FBXW11: variants seen among roughly 807,000 people sequenced by gnomAD.
The protein encoded by FBXW11 is F-box and WD repeat domain containing 11, also known as F-box/WD repeat-containing protein 11.
A neutral mutation model predicts 77.6 loss-of-function variants in FBXW11; 19 were observed. The observed-to-expected ratio is 0.24, with a 90% CI of 0.17 to 0.36. The LOEUF (loss-of-function observed/expected upper bound fraction) is 0.36. Among genes scored for constraint, FBXW11 ranks in the 10% least tolerant of loss-of-function variants. The pLI, the probability that FBXW11 is intolerant of heterozygous loss-of-function variation, is 1.00. For missense variants in FBXW11, 334 were observed against 704.2 expected, an observed-to-expected ratio of 0.47 and a Z score of 5.95; for synonymous variants, 235 against 249.4, an observed-to-expected ratio of 0.94 and a Z score of 0.54.
At chr5:171,977,035 CA>C (rs773469488) in intron 1 of FBXW11, among the ~76,000 whole-genome samples, 275 of 122,610 alleles carry the variant, frequency 2.2e-3, no homozygotes, top group Middle Eastern at 4.4e-3. Context: ...AACTCCAACT[CA>C]AAAAAAAAAA....
intron 2 of FBXW11, among the ~76,000 whole-genome samples, chr5:171,947,762 A>T (rs1459718816): frequency 6.6e-6 from 1 of 152,140 alleles, no homozygotes; most frequent in African/African-American, 2.4e-5. Context: ...CAAAAAATTT[A>T]AAAATTAGCC....
intron 6 of FBXW11, among the ~76,000 whole-genome samples, chr5:171,897,242 C>T (rs1241759347): frequency 2.6e-5 from 4 of 152,162 alleles, no homozygotes; most frequent in Non-Finnish European, 5.9e-5. Flanking sequence ...TAAGTAAATG[C>T]TATTAGTGGT....
intron 1 of FBXW11, among the ~76,000 whole-genome samples, chr5:171,963,248 C>G (rs555517066): frequency 6.6e-6 from 1 of 151,762 alleles, no homozygotes; most frequent in African/African-American, 2.4e-5. Flanking sequence ...CTTAACCCAC[C>G]CAAAGGAAGA....
At position 171,878,191 on chromosome 5, in the gene FBXW11, T is replaced by G. The variant is rs188108171; in HGVS notation, c.853-62A>C. On this transcript the variant is annotated intron_variant, in intron 7 of 13. Coordinates refer to ENST00000517395, the MANE Select transcript of FBXW11 (RefSeq NM_001378974.1). Reference sequence around the variant, plus strand: ...TATACTATATTTTGATGAATGTTACTGTCCCACCTTATGTTCTGATTATAA... The same window carrying G: ...TATACTATATTTTGATGAATGTTACGGTCCCACCTTATGTTCTGATTATAA... 1.6e-4 allele frequency: 178 copies of G among 1,146,260 alleles called. No homozygotes were observed. In the Admixed American group the frequency reaches 3.3e-3, roughly 21 times the overall value. The allele number at this position is 1,146,260 out of a possible 1,614,324, so 71.0% of individuals were successfully genotyped here.
At position 171,904,538 on chromosome 5, in the gene FBXW11, C is replaced by T. The variant is rs839285; in HGVS notation, c.437-4438G>A. Among the ~76,000 whole-genome samples, 3,694 of 152,020 alleles carry T rather than the reference C, an allele frequency of 0.024. 83 individuals are homozygous for T. The highest frequency in any genetic ancestry group is 0.058 in the African/African-American group (2,404 of 41,470). ...GACCTACAAAATCAGAATCTCTAGA[C>T]GGTAAGGCCCAGGAATCTGGGTGTG... On this transcript the variant is annotated intron_variant, in intron 4 of 13. Coordinates refer to ENST00000517395, the MANE Select transcript of FBXW11 (RefSeq NM_001378974.1). This position sits in a 1 kb window ranked among gnomAD's most constrained non-coding sequence, Gnocchi z 4.0.
intron 2 of FBXW11, among the ~76,000 whole-genome samples, chr5:171,933,853 A>T (rs890495067): frequency 2.7e-5 from 4 of 148,014 alleles, no homozygotes; most frequent in Non-Finnish European, 4.5e-5. Context: ...TCATCTATTT[A>T]AAAAAAAAAC....
At chr5:171,948,535 C>T (rs1053491638) in intron 2 of FBXW11, among the ~76,000 whole-genome samples, 6 of 151,876 alleles carry the variant, frequency 4.0e-5, no homozygotes, top group Non-Finnish European at 8.8e-5. Context: ...CCCAGGAGTT[C>T]GAGACCAGTC....
intron 2 of FBXW11, among the ~76,000 whole-genome samples, chr5:171,939,583 A>G (rs1316232918): frequency 2.6e-5 from 4 of 151,664 alleles, no homozygotes; most frequent in African/African-American, 9.7e-5. Context: ...CTGTAGTCCC[A>G]GCTATTTAGG....
intron 9 of FBXW11, among the ~76,000 whole-genome samples, chr5:171,874,914 C>T (rs1394364344): frequency 1.3e-5 from 2 of 151,860 alleles, no homozygotes; most frequent in Non-Finnish European, 2.9e-5. Context: ...TTACTGCACT[C>T]CAGCCTGGGT....
At chr5:171,921,418 C>T (rs942400001) in intron 2 of FBXW11, among the ~76,000 whole-genome samples, 1 of 152,110 alleles carries the variant, frequency 6.6e-6, no homozygotes, top group Admixed American at 6.5e-5. Flanking sequence ...AAATGAGAGA[C>T]ACAGGATTCA....
chr5:171,934,946 GT>G (rs569222169), intron 2 of FBXW11, among the ~76,000 whole-genome samples: 13 of 151,752 alleles, frequency 8.6e-5, no homozygotes, highest in Admixed American at 1.3e-4. Flanking sequence ...GGGTACAGTG[GT>G]TTTTTTTGTT....
Position 171,992,933 on chromosome 5 carries a change from G to T in FBXW11, c.45+13525C>A, listed in dbSNP as rs564114597. Among the ~76,000 whole-genome samples the T allele has an allele frequency of 4.6e-5, 7 of 152,074 alleles. No homozygotes were observed. In the South Asian group the frequency reaches 1.5e-3, roughly 32 times the overall value. On this transcript the variant is annotated intron_variant, in intron 1 of 13. Coordinates refer to ENST00000517395, the MANE Select transcript of FBXW11 (RefSeq NM_001378974.1). ...CAACTGTTTTCTCAGAGTTGAAAAT[G>T]AACACAAAATGGATTACAGCAGTGA... is the stretch of plus-strand genomic sequence containing the variant.
intron 2 of FBXW11, among the ~76,000 whole-genome samples, chr5:171,927,687 C>T (rs973158087): frequency 6.6e-6 from 1 of 152,112 alleles, no homozygotes; most frequent in Admixed American, 6.5e-5. Flanking sequence ...TGTAGTTCTA[C>T]GTTTTCATTT....
Position 171,862,905 on chromosome 5 carries a change from G to A in FBXW11, c.*1222C>T, listed in dbSNP as rs1407985980. The A allele has an allele frequency of 1.3e-5, 2 of 152,210 alleles. No homozygotes were observed. The highest frequency in any genetic ancestry group is 4.8e-5 in the African/African-American group (2 of 41,438). The allele number at this position is 152,210 out of a possible 1,614,324, so 9.4% of individuals were successfully genotyped here. A position where few individuals can be genotyped will look rare whatever the true frequency, so the allele number is the denominator to read the frequency against. On this transcript the variant is annotated 3_prime_UTR_variant, in exon 14 of 14. Coordinates refer to ENST00000517395, the MANE Select transcript of FBXW11 (RefSeq NM_001378974.1). The stretch of plus-strand genomic sequence containing the variant: ...AGAGCCAAGACAGCCCGTCAACAGG[G>A]CCTTCTTATTTCCCCTTCCCAGGGC...
chr5:171,904,073 G>T lies in FBXW11; in HGVS notation c.437-3973C>A, dbSNP rs1253092591. Among the ~76,000 whole-genome samples, 1 of 152,162 alleles carries T rather than the reference G, an allele frequency of 6.6e-6. No individual in the cohort carries two copies. Among genetic ancestry groups the T allele is most frequent in the Non-Finnish European group, 1.5e-5 (1 of 68,030 alleles). On this transcript the variant is annotated intron_variant, in intron 4 of 13. Transcript: ENST00000517395. The surrounding 1 kb of genome is among the most constrained non-coding windows in gnomAD (Gnocchi z 4.0). ...GAACTTTGGGAGGCCAAGATGGGCA[G>T]ATCGCTTGAGTCCAGGAGTTTGAGA...
At chr5:171,976,467 T>C (rs1333127669) in intron 1 of FBXW11, among the ~76,000 whole-genome samples, 2 of 152,142 alleles carry the variant, frequency 1.3e-5, no homozygotes, top group Non-Finnish European at 2.9e-5. Flanking sequence ...CTGTTATGGA[T>C]TGCATATGTC....
Position 171,862,962 on chromosome 5 carries a change from C to T in FBXW11, c.*1165G>A, listed in dbSNP as rs1344936058. 1 of 152,094 alleles carries T rather than the reference C, an allele frequency of 6.6e-6. No individual in the cohort carries two copies. The highest frequency in any genetic ancestry group is 1.5e-5 in the Non-Finnish European group (1 of 68,026). 9.4% of individuals were successfully genotyped at this position (152,094 alleles called of 1,614,324 possible). A position where few individuals can be genotyped will look rare whatever the true frequency, so the allele number is the denominator to read the frequency against. On this transcript the variant is annotated 3_prime_UTR_variant, in exon 14 of 14. Transcript: ENST00000517395. ...TGCACAGAATAATGATTTTTGACAG[C>T]GAAGCCAAATGAATACTATGGGAGG...
intron 2 of FBXW11, among the ~76,000 whole-genome samples, chr5:171,946,805 C>CTTTTTTT (rs70982356): frequency 1.7e-5 from 1 of 58,634 alleles, no homozygotes; most frequent in African/African-American, 7.9e-5. Flanking sequence ...GTGTACTTTA[C>CTTTTTTT]TTTTTTTTTT....
rs558429830 is a variant in FBXW11, at chr5:171,878,389, G to A, written c.853-260C>T. Among the ~76,000 whole-genome samples, 58 of 152,160 alleles carry A rather than the reference G, an allele frequency of 3.8e-4. 3 individuals are homozygous for A. In the South Asian group the frequency reaches 0.01, roughly 27 times the overall value. On this transcript the variant is annotated intron_variant, in intron 7 of 13. Coordinates refer to ENST00000517395, the MANE Select transcript of FBXW11 (RefSeq NM_001378974.1). ...TATACTTATCAACAGCCTCATAAAG[G>A]GGACTTCTTAAAAATAAAATCTGTG...
Sources: allele counts gnomAD v4.1 joint callset (sites outside exome capture counted in the v4.1 genomes callset), GRCh38; gene constraint gnomAD v4.1.1; non-coding constraint Gnocchi (gnomAD v3.1); transcripts MANE v1.5; gene names NCBI Gene and HGNC (gene_info 2026-07-23, HGNC 2026-07-21).